ECM2: variants seen among roughly 807,000 people sequenced by gnomAD.
ECM2 encodes extracellular matrix protein 2, female organ and adipocyte specific.
A neutral mutation model predicts 67.5 loss-of-function variants in ECM2; 57 were observed. That is an observed-to-expected ratio of 0.84 (90% CI 0.68 to 1.05). The LOEUF (loss-of-function observed/expected upper bound fraction) is 1.05. Ranked by LOEUF, ECM2 falls within the 50% of genes least tolerant of loss-of-function variation. ECM2 has a pLI of 0.00. For synonymous variants in ECM2, 258 were observed against 294.5 expected, an observed-to-expected ratio of 0.88 and a Z score of 1.27; for missense variants, 741 against 822.8, an observed-to-expected ratio of 0.90 and a Z score of 1.22.
Position 92,496,281 on chromosome 9 carries a change from G to A in ECM2, c.*34C>T, listed in dbSNP as rs555554326. ...AAATGCAGCTACTACAAATACATGA[G>A]TAAAGTTTATAAACAGCAAAGGAAA... On this transcript the variant is annotated 3_prime_UTR_variant, in exon 10 of 10. Coordinates refer to ENST00000344604, the MANE Select transcript of ECM2 (RefSeq NM_001393.4). 80 of 1,547,996 alleles carry A rather than the reference G, an allele frequency of 5.2e-5. No homozygotes were observed. In the East Asian group the frequency reaches 1.6e-3, roughly 30 times the overall value.
chr9:92,517,413 C>CTCT, intron 3 of ECM2: 1 of 573,926 alleles, frequency 1.7e-6, no homozygotes, highest in Non-Finnish European at 3.1e-6. Flanking sequence ...ATTCTGTTAC[C>CTCT]ATATCTCTAA....
the ECM2 span, among the ~76,000 whole-genome samples, chr9:92,544,442 C>G: frequency 2.0e-5 from 3 of 152,104 alleles, no homozygotes; most frequent in African/African-American, 7.2e-5. Flanking sequence ...CACCACTGCA[C>G]TCCAGCCTGG....
chr9:92,517,518 T>C (rs1038206445), intron 3 of ECM2, 169 bp downstream of exon 3: 1 of 861,162 alleles, frequency 1.2e-6, no homozygotes, highest in Admixed American at 2.4e-5. Context: ...TTATATCCCC[T>C]ACCATACATT....
chr9:92,553,808 C>T, the ECM2 span, among the ~76,000 whole-genome samples: 1 of 152,098 alleles, frequency 6.6e-6, no homozygotes, highest in Non-Finnish European at 1.5e-5. Flanking sequence ...GTTCTAGGAG[C>T]TTTCTGGAGG....
intron 1 of ECM2, among the ~76,000 whole-genome samples, chr9:92,535,538 T>C (rs1328684006): frequency 1.3e-5 from 2 of 152,278 alleles, no homozygotes; most frequent in East Asian, 3.8e-4. Context: ...TTTAAAAATA[T>C]TAATTTAGAA....
At chr9:92,530,661 T>A (rs984744381) in intron 1 of ECM2, among the ~76,000 whole-genome samples, 2 of 152,232 alleles carry the variant, frequency 1.3e-5, no homozygotes, top group African/African-American at 4.8e-5. Context: ...GCTTTTGCTA[T>A]AAGATCTACT....
At chr9:92,551,932 T>TATATA in the ECM2 span, among the ~76,000 whole-genome samples, 4 of 88,120 alleles carry the variant, frequency 4.5e-5, no homozygotes, top group Admixed American at 9.8e-5. Context: ...TGTGTATATA[T>TATATA]ATATATATAT....
At chr9:92,544,543 G>T in the ECM2 span, among the ~76,000 whole-genome samples, 266 of 116,650 alleles carry the variant, frequency 2.3e-3, no homozygotes, top group African/African-American at 6.8e-3. Flanking sequence ...TTGTTGAGGG[G>T]TTTTTTTTTT....
At chr9:92,539,383 A>C (rs1465564212), upstream of ECM2, among the ~76,000 whole-genome samples, 2 of 128,574 alleles carry the variant, frequency 1.6e-5, no homozygotes, top group East Asian at 5.3e-4. Flanking sequence ...CTGTGGAAGA[A>C]GTAGATTGAA....
At chr9:92,544,197 T>C in the ECM2 span, among the ~76,000 whole-genome samples, 1 of 152,236 alleles carries the variant, frequency 6.6e-6, no homozygotes, top group Non-Finnish European at 1.5e-5. Flanking sequence ...TTTATTGGGC[T>C]GGGCGTGGTG....
the ECM2 span, among the ~76,000 whole-genome samples, chr9:92,554,655 C>T: frequency 2.0e-5 from 3 of 151,420 alleles, no homozygotes; most frequent in African/African-American, 2.4e-5. Flanking sequence ...TTGTTTTTTC[C>T]GAGATGGAGT....
In ECM2 at chr9:92,500,709, G is replaced by GA. The variant is rs1846620297; in HGVS notation, c.1931+17dup. 6.3e-7 allele frequency: 1 copy of GA among 1,591,914 alleles called. No individual in the cohort carries two copies. ...CCAACCAAAATTTAAACAGATACTT[G>GA]AAAAAGCCAAAATTTACCGTATCTT... is the stretch of plus-strand genomic sequence containing the variant. On this transcript the variant is annotated intron_variant, in intron 9 of 9. Coordinates refer to ENST00000344604, the MANE Select transcript of ECM2 (RefSeq NM_001393.4).
In ECM2 at chr9:92,515,073, T is replaced by G; in HGVS notation, c.612A>C (p.Arg204=). ...QLPPPQVGMD[R]IVRKEALQSE... ...ATTGAAGTGCTTCTTTTCTTACTATTCGGTCCATTCCCACCTGAGGAGGTG... is the reference window on the plus strand; with the variant it reads ...ATTGAAGTGCTTCTTTTCTTACTATGCGGTCCATTCCCACCTGAGGAGGTG... The change falls in exon 4 of 10, where the codon CGA becomes CGC. Residue 204 remains arginine, a synonymous_variant. Transcript: ENST00000344604. 6.2e-7 allele frequency: 1 copy of G among 1,614,166 alleles called. No individual in the cohort carries two copies. Among genetic ancestry groups the G allele is most frequent in the Non-Finnish European group, 8.5e-7 (1 of 1,180,032 alleles).
At chr9:92,540,049 A>G (rs1196420717), upstream of ECM2, among the ~76,000 whole-genome samples, 1 of 152,244 alleles carries the variant, frequency 6.6e-6, no homozygotes, top group East Asian at 1.9e-4. Context: ...GGTAATACAT[A>G]TAAGTGGCAT....
chr9:92,544,809 G>A, the ECM2 span, among the ~76,000 whole-genome samples: 213 of 150,218 alleles, frequency 1.4e-3, 1 homozygote, highest in Admixed American at 2.5e-3. Context: ...TCCGCCTCTC[G>A]GGTTCAAGCA....
chr9:92,503,425 A>G (rs1051009715), intron 7 of ECM2, among the ~76,000 whole-genome samples: 13 of 152,162 alleles, frequency 8.5e-5, no homozygotes, highest in African/African-American at 2.9e-4. Flanking sequence ...CCTGTTTCCT[A>G]CTATTTCATG....
chr9:92,543,984 G>A, the ECM2 span, among the ~76,000 whole-genome samples: 3 of 152,162 alleles, frequency 2.0e-5, no homozygotes, highest in African/African-American at 4.8e-5. Context: ...TGCAAACAGA[G>A]AAAATGTACC....
At chr9:92,506,115 A>G (rs1846994034) in intron 6 of ECM2, among the ~76,000 whole-genome samples, 1 of 152,226 alleles carries the variant, frequency 6.6e-6, no homozygotes, top group Admixed American at 6.5e-5. Flanking sequence ...ACATAGATGT[A>G]TGAAGTGGCA....
chr9:92,552,215 AC>A, the ECM2 span, among the ~76,000 whole-genome samples: 7 of 146,760 alleles, frequency 4.8e-5, no homozygotes, highest in African/African-American at 1.3e-4. Flanking sequence ...ACACACACAC[AC>A]CCCACAGTTT....
Sources: gnomAD v4.1 joint callset for allele counts (sites outside exome capture counted in the v4.1 genomes callset) on GRCh38, gnomAD v4.1.1 for gene constraint, MANE v1.5 for transcripts, NCBI Gene and HGNC (gene_info 2026-07-23, HGNC 2026-07-21) for gene names.